MDFIC: variants seen among roughly 807,000 people sequenced by gnomAD.
MDFIC encodes the protein MyoD family inhibitor domain containing.
Under a neutral mutation model 23.2 loss-of-function variants are expected in MDFIC, and 17 were observed. The observed-to-expected ratio is 0.73, with a 90% CI of 0.50 to 1.10. MDFIC has a LOEUF of 1.10. MDFIC is among the 50% of genes least tolerant of loss of function. The probability of loss-of-function intolerance (pLI) is 0.00; values close to 1 mark genes in which losing one functional copy is unlikely to be tolerated. For missense variants in MDFIC, 356 were observed against 316.6 expected (o/e 1.12, Z -0.95); for synonymous variants, 120 against 115.2 (o/e 1.04, Z -0.27).
intron 3 of MDFIC, among the ~76,000 whole-genome samples, chr7:114,974,647 T>A (rs963189104): frequency 6.6e-6 from 1 of 152,124 alleles, no homozygotes; most frequent in African/African-American, 2.4e-5. Flanking sequence ...AAATGTTGCT[T>A]TATATTGCTA....
chr7:114,943,484 A>G (rs993869989), intron 3 of MDFIC, among the ~76,000 whole-genome samples: 7 of 152,168 alleles, frequency 4.6e-5, no homozygotes, highest in Non-Finnish European at 8.8e-5. Context: ...TTTTAGGTTA[A>G]TTTTAGGACC....
intron 4 of MDFIC, among the ~76,000 whole-genome samples, chr7:114,995,749 G>T (rs551303875): frequency 6.6e-6 from 1 of 152,330 alleles, no homozygotes; most frequent in East Asian, 1.9e-4. Flanking sequence ...GTGTCAGTCT[G>T]CCCCTACTGG....
intron 4 of MDFIC, among the ~76,000 whole-genome samples, chr7:114,997,179 A>G (rs1204892565): frequency 1.3e-5 from 2 of 152,210 alleles, no homozygotes; most frequent in African/African-American, 4.8e-5. Context: ...CAAATTGCAA[A>G]TCTGGATTAC....
chr7:114,957,517 A>G lies in MDFIC; in HGVS notation c.217+15120A>G, dbSNP rs867640326. ...AAGAGTCATATTAATAAGTAAAAAA[A>G]AGATCAGCTTTTTGAATAATATATA... On this transcript the variant is annotated intron_variant, in intron 3 of 4. Coordinates refer to ENST00000393486, the MANE Select transcript of MDFIC (RefSeq NM_001166345.3). Among the ~76,000 whole-genome samples the G allele has an allele frequency of 2.4e-4, 36 of 152,316 alleles. 1 individual carries two copies. The highest frequency in any genetic ancestry group is 6.2e-4 in the South Asian group (3 of 4,826).
At chr7:114,986,035 T>C (rs1488584008) in intron 4 of MDFIC, among the ~76,000 whole-genome samples, 1 of 126,510 alleles carries the variant, frequency 7.9e-6, no homozygotes, top group African/African-American at 2.8e-5. Flanking sequence ...CTTTGCAGTT[T>C]TTTTTTTTTT....
intron 4 of MDFIC, among the ~76,000 whole-genome samples, chr7:114,985,505 TG>T (rs995480474): frequency 3.3e-5 from 5 of 152,050 alleles, no homozygotes; most frequent in Non-Finnish European, 7.4e-5. Flanking sequence ...CTCTTCTTTT[TG>T]TTTGTTTGAT....
chr7:114,958,524 G>T (rs1792925887), intron 3 of MDFIC, among the ~76,000 whole-genome samples: 1 of 152,228 alleles, frequency 6.6e-6, no homozygotes, highest in South Asian at 2.1e-4. Flanking sequence ...GCAGAGGCAG[G>T]CGGATCACCT....
chr7:114,958,898 T>A (rs1018130636), intron 3 of MDFIC, among the ~76,000 whole-genome samples: 2 of 152,238 alleles, frequency 1.3e-5, no homozygotes, highest in Non-Finnish European at 2.9e-5. Context: ...AACATTGGGT[T>A]CACAATCAGT....
intron 4 of MDFIC, among the ~76,000 whole-genome samples, chr7:114,990,812 T>C (rs1287391002): frequency 1.3e-5 from 2 of 152,196 alleles, no homozygotes; most frequent in Non-Finnish European, 2.9e-5. Flanking sequence ...TAAACATACA[T>C]GTGCATGTGT....
rs1345478261 is a variant in MDFIC, at chr7:114,923,105, C to A, written c.72C>A (p.Gly24=). 6.9e-7 allele frequency: 1 copy of A among 1,456,034 alleles called. No homozygotes were observed. Among genetic ancestry groups the A allele is most frequent in the East Asian group, 3.1e-5 (1 of 32,730 alleles). The allele number at this position is 1,456,034 out of a possible 1,614,324, so 90.2% of individuals were successfully genotyped here. A position where few individuals can be genotyped will look rare whatever the true frequency, so the allele number is the denominator to read the frequency against. Residue 24 remains glycine (G), a synonymous_variant, in exon 2 of 5, where the codon GGC becomes GGA. Coordinates refer to ENST00000393486, the MANE Select transcript of MDFIC (RefSeq NM_001166345.3). ...GPQRVAEAGG[G]QLGSTAQGKC... Reference sequence around the variant, plus strand: ...AGCGCGTGGCCGAGGCGGGCGGCGGCCAGCTGGGCTCCACAGCCCAGGGTG... The same window carrying A: ...AGCGCGTGGCCGAGGCGGGCGGCGGACAGCTGGGCTCCACAGCCCAGGGTG...
intron 3 of MDFIC, among the ~76,000 whole-genome samples, chr7:114,956,961 G>C (rs1792896223): frequency 6.6e-6 from 1 of 152,096 alleles, no homozygotes; most frequent in South Asian, 2.1e-4. Flanking sequence ...GGTGTGTTTT[G>C]GCTCCTTGGC....
Position 114,942,411 on chromosome 7 carries a change from G to GA in MDFIC, c.217+20dup. 1 of 1,556,182 alleles carries GA rather than the reference G, an allele frequency of 6.4e-7. No individual in the cohort carries two copies. Among genetic ancestry groups the GA allele is most frequent in the Non-Finnish European group, 8.7e-7 (1 of 1,155,398 alleles). On this transcript the variant is annotated intron_variant, in intron 3 of 4. Coordinates refer to ENST00000393486, the MANE Select transcript of MDFIC (RefSeq NM_001166345.3). ...AACTCATTAGAAGTAAGTATTTTTA[G>GA]AAAAAACTTTGAGTGATTTTGGGAT... is the stretch of plus-strand genomic sequence containing the variant.
intron 3 of MDFIC, among the ~76,000 whole-genome samples, chr7:114,944,775 G>A (rs1792613361): frequency 6.6e-6 from 1 of 152,174 alleles, no homozygotes; most frequent in African/African-American, 2.4e-5. Context: ...AATAACAATA[G>A]GCCCTGGAAA....
chr7:114,946,164 G>T (rs1792640184), intron 3 of MDFIC, among the ~76,000 whole-genome samples: 2 of 152,092 alleles, frequency 1.3e-5, no homozygotes, highest in South Asian at 4.1e-4. Context: ...AAAAGGAACA[G>T]AAGCAACAGA....
At position 114,975,105 on chromosome 7, in the gene MDFIC, G is replaced by A. The variant is rs558583557; in HGVS notation, c.218-4401G>A. Reference sequence around the variant, plus strand: ...TAAATTTAAAATGGGGTCTTTTGTAGAAGCACCTATCCTGTTTAGAATGAT... The same window carrying A: ...TAAATTTAAAATGGGGTCTTTTGTAAAAGCACCTATCCTGTTTAGAATGAT... On this transcript the variant is annotated intron_variant, in intron 3 of 4. Coordinates refer to ENST00000393486, the MANE Select transcript of MDFIC (RefSeq NM_001166345.3). Among the ~76,000 whole-genome samples the A allele has an allele frequency of 1.3e-4, 19 of 151,916 alleles. No individual in the cohort carries two copies. The East Asian group carries it at 3.3e-3, about 26-fold the overall frequency.
At chr7:114,929,346 T>C (rs965215533) in intron 2 of MDFIC, among the ~76,000 whole-genome samples, 4 of 152,174 alleles carry the variant, frequency 2.6e-5, no homozygotes, top group Admixed American at 6.5e-5. Context: ...GACCTTGTGA[T>C]CCCCTGCCTT....
intron 3 of MDFIC, among the ~76,000 whole-genome samples, chr7:114,950,669 C>T (rs915410104): frequency 1.3e-5 from 2 of 152,018 alleles, no homozygotes; most frequent in East Asian, 3.9e-4. Context: ...GGTAAAGGCT[C>T]AAGGTATAGT....
chr7:115,003,120 C>A (rs529712008), intron 4 of MDFIC, among the ~76,000 whole-genome samples: 1 of 152,330 alleles, frequency 6.6e-6, no homozygotes, highest in South Asian at 2.1e-4. Context: ...TCTCTCACTT[C>A]CATGGGATCT....
intron 3 of MDFIC, among the ~76,000 whole-genome samples, chr7:114,978,933 A>T (rs560510335): frequency 5.3e-5 from 8 of 152,178 alleles, no homozygotes; most frequent in Non-Finnish European, 1.0e-4. Context: ...CTAATTTTTC[A>T]TAACTTGTTT....
Sources: allele counts gnomAD v4.1 joint callset (sites outside exome capture counted in the v4.1 genomes callset), GRCh38; gene constraint gnomAD v4.1.1; transcripts MANE v1.5; gene names NCBI Gene and HGNC (gene_info 2026-07-23, HGNC 2026-07-21).